SIL1: variants seen among roughly 807,000 people sequenced by gnomAD.
SIL1 encodes the protein SIL1 nucleotide exchange factor.
SIL1 carries 40 observed loss-of-function variants against 49.1 expected under a neutral mutation model. That is an observed-to-expected ratio of 0.81 (90% CI 0.63 to 1.06). The LOEUF is 1.06. Among genes scored for constraint, SIL1 ranks in the 50% least tolerant of loss-of-function variants. The pLI, the probability that SIL1 is intolerant of heterozygous loss-of-function variation, is 0.00. For missense variants in SIL1, 500 were observed against 572.6 expected, an observed-to-expected ratio of 0.87 and a Z score of 1.29; for synonymous variants, 253 against 250.8, an observed-to-expected ratio of 1.01 and a Z score of -0.08.
intron 3 of SIL1, among the ~76,000 whole-genome samples, chr5:139,083,465 G>A (rs1299084659): frequency 2.2e-5 from 3 of 133,968 alleles, no homozygotes; most frequent in Non-Finnish European, 3.1e-5. Context: ...TTTTTTGGCT[G>A]CATAAATGTC....
intron 7 of SIL1, among the ~76,000 whole-genome samples, chr5:138,978,634 A>C (rs891053256): frequency 6.6e-6 from 1 of 152,202 alleles, no homozygotes; most frequent in Non-Finnish European, 1.5e-5. Context: ...AAATGGTTGG[A>C]TCAATTTACA....
At position 139,151,362 on chromosome 5, in the gene SIL1, T is replaced by C. The variant is rs575140278; in HGVS notation, c.-10-23509A>G. ...GGTGCTGGGAACACACAGGCATGCA[T>C]CAACTGTGAAAGAGAAGAACGACTG... On this transcript the variant is annotated intron_variant, in intron 1 of 9. Transcript: ENST00000394817. 5.3e-5 allele frequency among the ~76,000 whole-genome samples: 8 copies of C among 152,108 alleles called. No homozygotes were observed. In the East Asian group the frequency reaches 1.6e-3, roughly 30 times the overall value.
At chr5:139,001,193 A>G (rs1767977479) in intron 7 of SIL1, among the ~76,000 whole-genome samples, 1 of 152,204 alleles carries the variant, frequency 6.6e-6, no homozygotes, top group Non-Finnish European at 1.5e-5. Flanking sequence ...ACTCTAATAC[A>G]AAACATTGAC....
chr5:139,071,055 C>T (rs1023629828), intron 3 of SIL1, among the ~76,000 whole-genome samples: 2 of 152,186 alleles, frequency 1.3e-5, no homozygotes, highest in South Asian at 2.1e-4. Flanking sequence ...AACCTGTGTC[C>T]GATTGAGCCC....
rs747120540 is a variant in SIL1 at position 138,951,215 on chromosome 5, C to T, written c.985G>A (p.Ala329Thr). The change falls in exon 9 of 10, where the codon GCC becomes ACC. Residue 329 changes from alanine to threonine, a missense_variant. Physicochemically the swap from Ala to Thr is moderately conservative, Grantham distance 58. Coordinates refer to ENST00000394817, the MANE Select transcript of SIL1 (RefSeq NM_022464.5). The part of the protein sequence containing the change: ...LVQEKGTEVL[A>T]VRVVTLLYDL... ...TAGAGCAGTGTGACCACGCGCACGG[C>T]GAGCACCTCCGTGCCCTTCTCCTGC... 2.9e-5 allele frequency: 47 copies of T among 1,608,946 alleles called. No individual in the cohort carries two copies. The highest frequency in any genetic ancestry group is 1.0e-4 in the Admixed American group (6 of 59,620).
At chr5:139,029,955 G>A (rs1029122153) in intron 5 of SIL1, among the ~76,000 whole-genome samples, 7 of 151,656 alleles carry the variant, frequency 4.6e-5, no homozygotes, top group African/African-American at 9.7e-5. Context: ...CTGAGCAATA[G>A]AGTGAGACTC....
intron 1 of SIL1, chr5:139,137,411 C>T (rs1750996781): frequency 2.9e-6 from 2 of 699,842 alleles, no homozygotes; most frequent in Non-Finnish European, 5.2e-6. Flanking sequence ...TTTCCATAGC[C>T]GTGCTGTCTC....
chr5:139,196,869 C>T (rs1752285458), intron 1 of SIL1, among the ~76,000 whole-genome samples: 1 of 152,158 alleles, frequency 6.6e-6, no homozygotes, highest in African/African-American at 2.4e-5. Flanking sequence ...CCTACCCAAT[C>T]CCCAAATCTG....
chr5:139,080,526 A>G (rs1392451257), intron 3 of SIL1, among the ~76,000 whole-genome samples: 1 of 152,228 alleles, frequency 6.6e-6, no homozygotes, highest in Non-Finnish European at 1.5e-5. Flanking sequence ...AGAAGCATAC[A>G]CATTAGATTT....
At chr5:138,995,753 ACT>A (rs1767856954) in intron 7 of SIL1, among the ~76,000 whole-genome samples, 1 of 151,668 alleles carries the variant, frequency 6.6e-6, no homozygotes, top group South Asian at 2.1e-4. Flanking sequence ...CCACCAATCT[ACT>A]CTTTATCTTT....
chr5:139,115,559 C>T (rs929462734), intron 3 of SIL1, among the ~76,000 whole-genome samples: 1 of 152,104 alleles, frequency 6.6e-6, no homozygotes, highest in Non-Finnish European at 1.5e-5. Flanking sequence ...TCAATTATGC[C>T]TACATAATAA....
intron 1 of SIL1, among the ~76,000 whole-genome samples, chr5:139,150,953 C>T (rs928306654): frequency 6.6e-6 from 1 of 152,198 alleles, no homozygotes; most frequent in African/African-American, 2.4e-5. Context: ...TTCATCCCTA[C>T]TCCCTCTGCC....
intron 3 of SIL1, among the ~76,000 whole-genome samples, chr5:139,062,400 G>T (rs568202648): frequency 2.4e-4 from 36 of 152,162 alleles, no homozygotes; most frequent in South Asian, 2.1e-3. Flanking sequence ...ATCTGGGCCG[G>T]GTCTTAGAAG....
At chr5:139,179,504 A>G (rs1247451644) in intron 1 of SIL1, among the ~76,000 whole-genome samples, 1 of 152,158 alleles carries the variant, frequency 6.6e-6, no homozygotes, top group East Asian at 1.9e-4. Context: ...AGCTCTAATT[A>G]AGGCCATTTT....
At chr5:139,052,093 G>A (rs745414111) in intron 3 of SIL1, among the ~76,000 whole-genome samples, 11 of 152,116 alleles carry the variant, frequency 7.2e-5, no homozygotes, top group Admixed American at 4.6e-4. Flanking sequence ...AAATTCCTCC[G>A]AAGGAAGCAC....
At chr5:139,127,217 T>C (rs1196610272) in intron 2 of SIL1, among the ~76,000 whole-genome samples, 1 of 152,038 alleles carries the variant, frequency 6.6e-6, no homozygotes, top group Admixed American at 6.5e-5. Flanking sequence ...ACTGAGAAAG[T>C]ACAAGGGAGA....
chr5:139,151,467 A>G (rs1327770284), intron 1 of SIL1, among the ~76,000 whole-genome samples: 1 of 152,240 alleles, frequency 6.6e-6, no homozygotes, highest in African/African-American at 2.4e-5. Flanking sequence ...TTCTGACATT[A>G]AAGCCATGCC....
rs903563133 is a variant in SIL1, at chr5:138,948,144, G to A, written c.1030-671C>T. Among the ~76,000 whole-genome samples, 1 of 152,196 alleles carries A rather than the reference G, an allele frequency of 6.6e-6. No homozygotes were observed. Among genetic ancestry groups the A allele is most frequent in the African/African-American group, 2.4e-5 (1 of 41,444 alleles). ...TGCCCTAACTCCAGGGGAGAATGAA[G>A]CACAGGGAAGATGCACAAGGCAAGA... On this transcript the variant is annotated intron_variant, in intron 9 of 9. Coordinates refer to ENST00000394817, the MANE Select transcript of SIL1 (RefSeq NM_022464.5). This position sits in a 1 kb window ranked among gnomAD's most constrained non-coding sequence, Gnocchi z 4.8.
chr5:139,176,512 AT>A (rs1751885090), intron 1 of SIL1, among the ~76,000 whole-genome samples: 1 of 152,226 alleles, frequency 6.6e-6, no homozygotes, highest in Non-Finnish European at 1.5e-5. Flanking sequence ...CTGCTATAAA[AT>A]AAAAATATTT....
Sources: gnomAD v4.1 joint callset for allele counts (sites outside exome capture counted in the v4.1 genomes callset) on GRCh38, gnomAD v4.1.1 for gene constraint, Gnocchi (gnomAD v3.1) non-coding constraint, MANE v1.5 for transcripts, NCBI Gene and HGNC (gene_info 2026-07-23, HGNC 2026-07-21) for gene names.